The following RIT2 variants were observed in gnomAD, a reference collection of about 807,000 sequenced individuals.
The protein encoded by RIT2 is GTP-binding protein Rit2.
Under a neutral mutation model 23.7 loss-of-function variants are expected in RIT2, and 24 were observed. That is an observed-to-expected ratio of 1.01 (90% CI 0.73 to 1.43). The LOEUF is 1.43. RIT2 is among the 40% of genes most tolerant of loss of function. RIT2 has a pLI of 0.00. For missense variants in RIT2, 236 were observed against 266.9 expected (o/e 0.88, Z 0.81); for synonymous variants, 107 against 91.1 (o/e 1.17, Z -0.99).
intron 4 of RIT2, among the ~76,000 whole-genome samples, chr18:42,818,014 G>T (rs572042132): frequency 6.6e-6 from 1 of 151,654 alleles, no homozygotes. Context: ...ATTAAAGTAG[G>T]TATTATTAGA....
intron 3 of RIT2, among the ~76,000 whole-genome samples, chr18:42,933,403 T>C (rs1304594916): frequency 6.6e-6 from 1 of 152,136 alleles, no homozygotes; most frequent in Non-Finnish European, 1.5e-5. Context: ...ATTTGTAACC[T>C]TGTGAAATGG....
chr18:43,080,754 A>G (rs1351531188), intron 1 of RIT2, among the ~76,000 whole-genome samples: 3 of 152,164 alleles, frequency 2.0e-5, no homozygotes, highest in African/African-American at 7.2e-5. Flanking sequence ...ACCAAATCCC[A>G]AGGCAGCCAT....
At chr18:42,995,134 G>A (rs1431806376) in intron 2 of RIT2, among the ~76,000 whole-genome samples, 1 of 152,112 alleles carries the variant, frequency 6.6e-6, no homozygotes, top group Non-Finnish European at 1.5e-5. Flanking sequence ...CACCAGCAAA[G>A]GCAGGCTATG....
intron 4 of RIT2, among the ~76,000 whole-genome samples, chr18:42,856,885 A>C (rs1042108148): frequency 7.7e-6 from 1 of 129,780 alleles, no homozygotes; most frequent in East Asian, 2.4e-4. Context: ...GCTGGAGTGC[A>C]GTGGTGGGAT....
chr18:42,934,135 C>T (rs190261322), intron 3 of RIT2, among the ~76,000 whole-genome samples: 25 of 151,576 alleles, frequency 1.6e-4, no homozygotes, highest in African/African-American at 6.1e-4. Context: ...GCCTTGCATC[C>T]TGCATACAAA....
chr18:42,911,846 A>T (rs1426419407), intron 4 of RIT2, among the ~76,000 whole-genome samples: 3 of 151,890 alleles, frequency 2.0e-5, no homozygotes, highest in Non-Finnish European at 4.4e-5. Flanking sequence ...TTCACTGGAA[A>T]TTTTACCAAA....
intron 4 of RIT2, among the ~76,000 whole-genome samples, chr18:42,841,639 T>C (rs778722052): frequency 6.6e-6 from 1 of 152,228 alleles, no homozygotes; most frequent in Non-Finnish European, 1.5e-5. Flanking sequence ...AACTTCTCTG[T>C]GTACTTCCAT....
intron 4 of RIT2, among the ~76,000 whole-genome samples, chr18:42,894,588 A>G (rs769682333): frequency 6.6e-6 from 1 of 152,190 alleles, no homozygotes; most frequent in East Asian, 1.9e-4. Flanking sequence ...AGGCTATGAT[A>G]ATAAAATAAA....
chr18:42,979,739 T>A (rs374232913), intron 2 of RIT2, among the ~76,000 whole-genome samples: 15 of 152,128 alleles, frequency 9.9e-5, no homozygotes, highest in Admixed American at 6.6e-4. Flanking sequence ...GGGTTCAATA[T>A]GTATTTGAGT....
intron 3 of RIT2, among the ~76,000 whole-genome samples, chr18:42,950,545 G>C (rs1909826068): frequency 6.6e-6 from 1 of 151,966 alleles, no homozygotes; most frequent in Admixed American, 6.6e-5. Flanking sequence ...TGACAAGTGG[G>C]AGCTGATTAA....
chr18:43,033,128 A>G (rs941833769), intron 2 of RIT2, among the ~76,000 whole-genome samples: 2 of 152,150 alleles, frequency 1.3e-5, no homozygotes, highest in Non-Finnish European at 2.9e-5. Context: ...TCTGCTTGAA[A>G]ATTTCCAGCC....
chr18:42,774,643 C>A (rs1337621573), intron 4 of RIT2, among the ~76,000 whole-genome samples: 3 of 147,358 alleles, frequency 2.0e-5, no homozygotes, highest in Non-Finnish European at 3.0e-5. Flanking sequence ...TTTAACTAAA[C>A]CAAATGAATA....
intron 1 of RIT2, among the ~76,000 whole-genome samples, chr18:43,061,050 A>G (rs1912632757): frequency 6.6e-6 from 1 of 152,142 alleles, no homozygotes; most frequent in Admixed American, 6.6e-5. Flanking sequence ...TAATATCTAC[A>G]TTATATATAA....
At chr18:43,047,813 C>T (rs943561681) in intron 1 of RIT2, among the ~76,000 whole-genome samples, 6 of 152,040 alleles carry the variant, frequency 3.9e-5, no homozygotes, top group African/African-American at 1.4e-4. Flanking sequence ...TAAAGTTTTG[C>T]TTGCTTTGTG....
At chr18:43,097,699 C>T (rs185618889) in intron 1 of RIT2, among the ~76,000 whole-genome samples, 18 of 151,810 alleles carry the variant, frequency 1.2e-4, no homozygotes, top group African/African-American at 4.1e-4. Flanking sequence ...CATAGAAATC[C>T]GAATAAAAAG....
chr18:42,745,452 G>A (rs1448561090), intron 4 of RIT2, among the ~76,000 whole-genome samples: 1 of 152,130 alleles, frequency 6.6e-6, no homozygotes, highest in Non-Finnish European at 1.5e-5. Flanking sequence ...GCAAAGACAG[G>A]TTCTTCACTC....
intron 1 of RIT2, among the ~76,000 whole-genome samples, chr18:43,039,646 C>T (rs1321075262): frequency 6.6e-6 from 1 of 152,166 alleles, no homozygotes; most frequent in South Asian, 2.1e-4. Flanking sequence ...CCACACCTGA[C>T]CTCTGCTTTA....
At chr18:43,079,686 T>C (rs553078476) in intron 1 of RIT2, among the ~76,000 whole-genome samples, 6 of 152,346 alleles carry the variant, frequency 3.9e-5, no homozygotes, top group African/African-American at 1.4e-4. Context: ...TTCCATTTGA[T>C]ATTTTAAGCG....
chr18:43,041,558 G>C (rs1423623244), intron 1 of RIT2, among the ~76,000 whole-genome samples: 4 of 152,084 alleles, frequency 2.6e-5, no homozygotes, highest in African/African-American at 9.7e-5. Context: ...TATTCATTAA[G>C]TACATATAAT....
Sources: allele counts gnomAD v4.1 joint callset (sites outside exome capture counted in the v4.1 genomes callset), GRCh38; gene constraint gnomAD v4.1.1; transcripts MANE v1.5; gene names NCBI Gene and HGNC (gene_info 2026-07-23, HGNC 2026-07-21).